SLC35F4: variants seen among roughly 807,000 people sequenced by gnomAD.
The protein encoded by SLC35F4 is solute carrier family 35 member F4.
A neutral mutation model predicts 44.2 loss-of-function variants in SLC35F4; 24 were observed. That is an observed-to-expected ratio of 0.54 (90% CI 0.39 to 0.76). The LOEUF is 0.76. Among genes scored for constraint, SLC35F4 ranks in the 30% least tolerant of loss-of-function variants. The probability of loss-of-function intolerance (pLI) is 0.00; values close to 1 mark genes in which losing one functional copy is unlikely to be tolerated. For missense variants in SLC35F4, 562 were observed against 586.1 expected (o/e 0.96, Z 0.42); for synonymous variants, 238 against 223.6 (o/e 1.06, Z -0.57).
At chr14:57,881,429 G>T (rs1399546106) in intron 1 of SLC35F4, among the ~76,000 whole-genome samples, 2 of 152,132 alleles carry the variant, frequency 1.3e-5, no homozygotes, top group Admixed American at 6.6e-5. Context: ...TTCCACATAT[G>T]TACATAATAA....
chr14:57,804,209 G>A (rs10151363), intron 1 of SLC35F4, among the ~76,000 whole-genome samples: 1 of 151,910 alleles, frequency 6.6e-6, no homozygotes, highest in African/African-American at 2.4e-5. Context: ...GTAATTTACA[G>A]ATTCAATGTT....
intron 1 of SLC35F4, among the ~76,000 whole-genome samples, chr14:57,801,919 A>T (rs867819506): frequency 2.0e-5 from 3 of 152,006 alleles, no homozygotes; most frequent in Non-Finnish European, 4.4e-5. Context: ...ATGTTAGATC[A>T]TAGAAACACA....
At chr14:57,710,899 A>C (rs2075802050) in intron 1 of SLC35F4, among the ~76,000 whole-genome samples, 1 of 152,158 alleles carries the variant, frequency 6.6e-6, no homozygotes, top group Admixed American at 6.5e-5. Context: ...GCCTTGTCTC[A>C]GATGAGACTT....
At chr14:57,605,043 C>T (rs2071068317) in intron 1 of SLC35F4, among the ~76,000 whole-genome samples, 1 of 151,568 alleles carries the variant, frequency 6.6e-6, no homozygotes, top group Admixed American at 6.6e-5. Context: ...CAATATCAGC[C>T]TAGGCAAAGA....
At chr14:57,611,803 A>G (rs1254022701) in intron 1 of SLC35F4, among the ~76,000 whole-genome samples, 8 of 152,182 alleles carry the variant, frequency 5.3e-5, no homozygotes, top group Non-Finnish European at 1.2e-4. Flanking sequence ...ATAACATCAA[A>G]GTCGAGTGAA....
At chr14:57,921,870 T>C (rs1158209790) in intron 1 of SLC35F4, among the ~76,000 whole-genome samples, 1 of 152,214 alleles carries the variant, frequency 6.6e-6, no homozygotes, top group Non-Finnish European at 1.5e-5. Context: ...AAAATTTCAA[T>C]GTTATTTCAA....
rs1056700239 is a variant in SLC35F4 at position 57,944,986 on chromosome 14, C to T, written n.282+36927G>A. On this transcript the variant is annotated intron_variant and non_coding_transcript_variant, in intron 1 of 1. Coordinates refer to the SLC35F4 transcript ENST00000556568. ...TGCCTGCCCAACCTTGGGCTGGTGTCGCTCTTGTTATTGACAAAGATAAGT... is the reference window on the plus strand; with the variant it reads ...TGCCTGCCCAACCTTGGGCTGGTGTTGCTCTTGTTATTGACAAAGATAAGT... Among the ~76,000 whole-genome samples, 5 of 152,050 alleles carry T rather than the reference C, an allele frequency of 3.3e-5. No individual in the cohort carries two copies. In the East Asian group the frequency reaches 7.7e-4, roughly 23 times the overall value.
At chr14:57,884,605 T>C (rs1888609015) in intron 1 of SLC35F4, among the ~76,000 whole-genome samples, 2 of 152,202 alleles carry the variant, frequency 1.3e-5, no homozygotes, top group Admixed American at 6.5e-5. Context: ...CATGCCAATG[T>C]ATACAGAGAG....
At chr14:57,977,183 AT>A (rs1248446375) in intron 1 of SLC35F4, among the ~76,000 whole-genome samples, 3 of 152,052 alleles carry the variant, frequency 2.0e-5, no homozygotes, top group East Asian at 1.9e-4. Context: ...GCTTAGGGGA[AT>A]TTTTTTTGGA....
intron 1 of SLC35F4, among the ~76,000 whole-genome samples, chr14:57,661,017 T>A (rs1594737341): frequency 6.6e-6 from 1 of 152,336 alleles, no homozygotes; most frequent in East Asian, 1.9e-4. Flanking sequence ...GATTGTTCCA[T>A]TTCTTCGGCA....
At chr14:57,779,516 T>C (rs1002738068) in intron 1 of SLC35F4, among the ~76,000 whole-genome samples, 12 of 151,938 alleles carry the variant, frequency 7.9e-5, no homozygotes, top group African/African-American at 2.4e-4. Flanking sequence ...AAAGAAGAGC[T>C]GATACCATTC....
intron 1 of SLC35F4, among the ~76,000 whole-genome samples, chr14:57,903,400 C>A (rs1889046650): frequency 6.6e-6 from 1 of 152,166 alleles, no homozygotes; most frequent in African/African-American, 2.4e-5. Flanking sequence ...TTTGGCTAAA[C>A]TGACTTAGCA....
intron 1 of SLC35F4, among the ~76,000 whole-genome samples, chr14:57,627,719 G>A (rs1269528893): frequency 1.3e-5 from 2 of 151,916 alleles, no homozygotes; most frequent in East Asian, 1.9e-4. Flanking sequence ...ACTTGTTCCC[G>A]CATTAAGTAA....
chr14:57,640,053 A>C (rs1406408411), intron 1 of SLC35F4, among the ~76,000 whole-genome samples: 1 of 152,010 alleles, frequency 6.6e-6, no homozygotes, highest in Non-Finnish European at 1.5e-5. Context: ...TTTCCTTTGA[A>C]TATCACAACT....
At chr14:57,787,653 A>G (rs1849676575) in intron 1 of SLC35F4, among the ~76,000 whole-genome samples, 1 of 152,168 alleles carries the variant, frequency 6.6e-6, no homozygotes, top group Admixed American at 6.5e-5. Flanking sequence ...TGTATTCAGT[A>G]AAACTAACCT....
At chr14:57,573,013 C>T (rs1448559933) in intron 4 of SLC35F4, among the ~76,000 whole-genome samples, 1 of 152,176 alleles carries the variant, frequency 6.6e-6, no homozygotes, top group Non-Finnish European at 1.5e-5. Context: ...AGCTTCAGTT[C>T]TGAGTATTCC....
At chr14:57,900,838 C>A (rs181312074) in intron 1 of SLC35F4, among the ~76,000 whole-genome samples, 1,549 of 152,060 alleles carry the variant, frequency 0.01, 27 homozygotes, top group African/African-American at 0.035. Context: ...AGAAAAAAAA[C>A]CCATTAAAAA....
intron 1 of SLC35F4, among the ~76,000 whole-genome samples, chr14:57,772,954 C>A (rs1355459949): frequency 1.3e-5 from 2 of 152,166 alleles, no homozygotes; most frequent in African/African-American, 4.8e-5. Context: ...AGAGGTTGAA[C>A]AAATTTACAT....
intron 3 of SLC35F4, among the ~76,000 whole-genome samples, chr14:57,584,962 T>G (rs1243407291): frequency 2.0e-5 from 3 of 152,190 alleles, no homozygotes; most frequent in African/African-American, 7.2e-5. Flanking sequence ...CTATAAATAC[T>G]GTTTAAAAAT....
Sources: allele counts gnomAD v4.1 joint callset (sites outside exome capture counted in the v4.1 genomes callset), GRCh38; gene constraint gnomAD v4.1.1; transcripts MANE v1.5; gene names NCBI Gene and HGNC (gene_info 2026-07-23, HGNC 2026-07-21).